AGAP1: variants seen among roughly 807,000 people sequenced by gnomAD.
The protein encoded by AGAP1 is arf-GAP with GTPase, ANK repeat and PH domain-containing protein 1.
Under a neutral mutation model 105.3 loss-of-function variants are expected in AGAP1, and 29 were observed. The ratio of observed to expected loss-of-function variants is 0.28; its 90% CI spans 0.21 to 0.38. The LOEUF is 0.38. Ranked by LOEUF, AGAP1 falls within the 10% of genes least tolerant of loss-of-function variation. The pLI is 1.00. For synonymous variants in AGAP1, 509 were observed against 485.9 expected (o/e 1.05, Z -0.63); for missense variants, 998 against 1,165.1 (o/e 0.86, Z 2.09).
At chr2:235,711,548 G>A (rs1950855683) in intron 2 of AGAP1, among the ~76,000 whole-genome samples, 1 of 152,188 alleles carries the variant, frequency 6.6e-6, no homozygotes. Context: ...CTGACACCGT[G>A]GGCTTCGATG....
chr2:235,841,222 G>A (rs1409968100), intron 9 of AGAP1, among the ~76,000 whole-genome samples: 1 of 152,158 alleles, frequency 6.6e-6, no homozygotes, highest in African/African-American at 2.4e-5. Flanking sequence ...AGGTCTAGAA[G>A]TTATCGATTC....
chr2:235,879,819 C>T lies in AGAP1; in HGVS notation c.1051-3526C>T, dbSNP rs749190108. Among the ~76,000 whole-genome samples the T allele has an allele frequency of 2.0e-5, 3 of 152,146 alleles. No homozygotes were observed. Among genetic ancestry groups the T allele is most frequent in the African/African-American group, 4.8e-5 (2 of 41,408 alleles). ...TGGTGGCATGTGTGTGTAGTCCTAG[C>T]TACTCGGAGGAGGCTGGCGCAGGAG... On this transcript the variant is annotated intron_variant, in intron 9 of 17. Coordinates refer to ENST00000304032, the MANE Select transcript of AGAP1 (RefSeq NM_001037131.3). The surrounding 1 kb of genome is among the most constrained non-coding windows in gnomAD (Gnocchi z 5.0).
chr2:235,890,019 C>T (rs1160252021), intron 10 of AGAP1, among the ~76,000 whole-genome samples: 1 of 152,186 alleles, frequency 6.6e-6, no homozygotes, highest in Non-Finnish European at 1.5e-5. Context: ...CAGCCTCCTT[C>T]AGCTCTTCCC....
chr2:235,563,542 C>T (rs1330558211), intron 1 of AGAP1, among the ~76,000 whole-genome samples: 1 of 139,276 alleles, frequency 7.2e-6, no homozygotes, highest in African/African-American at 2.7e-5. Context: ...TACAGTCAGA[C>T]AGGAAGTTGT....
intron 1 of AGAP1, among the ~76,000 whole-genome samples, chr2:235,513,020 C>G (rs1444590669): frequency 1.3e-5 from 2 of 152,156 alleles, no homozygotes; most frequent in South Asian, 2.1e-4. Context: ...TTTATCCTGA[C>G]CAGTTCATTT....
intron 12 of AGAP1, among the ~76,000 whole-genome samples, chr2:235,952,276 G>C (rs1559687457): frequency 4.0e-5 from 6 of 151,464 alleles, no homozygotes; most frequent in African/African-American, 1.2e-4. Flanking sequence ...ATTTGCAGTG[G>C]CCCAGCAAAA....
chr2:235,892,411 A>G (rs2050587485), intron 10 of AGAP1, among the ~76,000 whole-genome samples: 1 of 152,156 alleles, frequency 6.6e-6, no homozygotes, highest in African/African-American at 2.4e-5. Flanking sequence ...TGTTCTTTCA[A>G]AGCCAGGGCA....
chr2:235,980,935 A>G (rs967414358), intron 13 of AGAP1, among the ~76,000 whole-genome samples: 9 of 152,188 alleles, frequency 5.9e-5, no homozygotes, highest in South Asian at 2.1e-4. Context: ...AATTAAACCA[A>G]TGTTACTATG....
chr2:235,764,381 A>T (rs954409646), intron 6 of AGAP1, among the ~76,000 whole-genome samples: 11 of 152,190 alleles, frequency 7.2e-5, no homozygotes, highest in African/African-American at 2.6e-4. Flanking sequence ...GCCCATGTTT[A>T]TTCCTTTTCT....
Position 235,750,363 on chromosome 2 carries a change from G to A in AGAP1, c.548G>A (p.Ser183Asn), listed in dbSNP as rs773013695. The A allele has an allele frequency of 1.9e-6, 3 of 1,614,054 alleles. No individual in the cohort carries two copies. Among genetic ancestry groups the A allele is most frequent in the Non-Finnish European group, 2.5e-6 (3 of 1,180,030 alleles). Reference protein sequence around the residue: ...LVLVGTQDAISSANPRVIDDA... With the variant: ...LVLVGTQDAINSANPRVIDDA... The stretch of plus-strand genomic sequence containing the variant: ...TGGTCTTCTGTTCCAGATGCCATAA[G>A]TTCTGCTAACCCGAGGGTCATCGAT... The change falls in exon 6 of 18, where the codon AGT becomes AAT. Residue 183 changes from serine (S) to asparagine (N), a missense_variant. Physicochemically the swap from Ser to Asn is conservative, Grantham distance 46. Around this residue, in one of 3 missense-constraint regions of AGAP1, gnomAD observed 735 missense variants for 833.4 expected, o/e 0.88. Transcript: ENST00000304032. This position sits in a 1 kb window ranked among gnomAD's most constrained non-coding sequence, Gnocchi z 5.3.
rs576605262 is a variant in AGAP1, at chr2:236,060,804, G to A, written c.2114+11523G>A. 7.2e-5 allele frequency among the ~76,000 whole-genome samples: 11 copies of A among 152,246 alleles called. No homozygotes were observed. The South Asian group carries it at 1.2e-3, about 17-fold the overall frequency. On this transcript the variant is annotated intron_variant, in intron 16 of 17. Transcript: ENST00000304032. The stretch of plus-strand genomic sequence containing the variant: ...GAGCTGGGCATGGAGGCTCATGCCC[G>A]TAATCCCAGCATGTGGGGAGGCTGA...
rs948926943 is a variant in AGAP1, at chr2:235,989,128, T to C, written c.1645+20505T>C. Among the ~76,000 whole-genome samples, 12 of 152,232 alleles carry C rather than the reference T, an allele frequency of 7.9e-5. No individual in the cohort carries two copies. The highest frequency in any genetic ancestry group is 6.5e-4 in the Admixed American group (10 of 15,286). On this transcript the variant is annotated intron_variant, in intron 13 of 17. Transcript: ENST00000304032. The surrounding 1 kb of genome is among the most constrained non-coding windows in gnomAD (Gnocchi z 4.4). ...GAGATGAAGATGATGATGATGGTTG[T>C]TGTTATTTAAAACTGCAAGACGTAG... is the stretch of plus-strand genomic sequence containing the variant.
At chr2:235,794,648 T>C (rs1312224319) in intron 6 of AGAP1, among the ~76,000 whole-genome samples, 12 of 152,152 alleles carry the variant, frequency 7.9e-5, no homozygotes, top group African/African-American at 2.9e-4. Flanking sequence ...ATTTTTGTAT[T>C]TTTAGTAGAG....
chr2:235,497,509 C>T (rs1204055122), intron 1 of AGAP1, among the ~76,000 whole-genome samples: 1 of 152,222 alleles, frequency 6.6e-6, no homozygotes, highest in African/African-American at 2.4e-5. Context: ...AGAAGATTTC[C>T]AGCTAGGGAT....
Position 235,648,884 on chromosome 2 carries a change from C to CAA in AGAP1, c.164-60282_164-60281dup, listed in dbSNP as rs34285333. 3.3e-3 allele frequency among the ~76,000 whole-genome samples: 467 copies of CAA among 139,582 alleles called. 3 individuals carry two copies. Among genetic ancestry groups the CAA allele is most frequent in the African/African-American group, 0.01 (382 of 38,168 alleles). 91.6% of individuals were successfully genotyped at this position (139,582 alleles called of 152,430 possible). ...TCTAAGTGACAAAGCGAGACTGTCT[C>CAA]AAAAAAAAAAAAAAGTCATGTAATT... On this transcript the variant is annotated intron_variant, in intron 1 of 17. Transcript: ENST00000304032.
chr2:235,599,639 G>A lies in AGAP1; in HGVS notation c.163+104790G>A, dbSNP rs565574600. ...GTGGCTCCGGAAGTTCCTGGGAGTG[G>A]CTCGTAGAGCCTGTTTTCATCCTTC... On this transcript the variant is annotated intron_variant, in intron 1 of 17. Coordinates refer to ENST00000304032, the MANE Select transcript of AGAP1 (RefSeq NM_001037131.3). This position sits in a 1 kb window ranked among gnomAD's most constrained non-coding sequence, Gnocchi z 5.3. Among the ~76,000 whole-genome samples the A allele has an allele frequency of 6.6e-6, 1 of 152,288 alleles. No homozygotes were observed. The highest frequency in any genetic ancestry group is 2.1e-4 in the South Asian group (1 of 4,834).
At chr2:235,603,038 G>T (rs1210226940) in intron 1 of AGAP1, among the ~76,000 whole-genome samples, 2 of 152,122 alleles carry the variant, frequency 1.3e-5, no homozygotes, top group African/African-American at 4.8e-5. Flanking sequence ...GTTTGGCTGT[G>T]TCCCCACCCA....
Position 236,120,131 on chromosome 2 carries a change from G to C in AGAP1, c.2115-61G>C. 1 of 1,562,548 alleles carries C rather than the reference G, an allele frequency of 6.4e-7. No homozygotes were observed. Among genetic ancestry groups the C allele is most frequent in the Non-Finnish European group, 8.7e-7 (1 of 1,152,464 alleles). On this transcript the variant is annotated intron_variant, in intron 16 of 17. Coordinates refer to ENST00000304032, the MANE Select transcript of AGAP1 (RefSeq NM_001037131.3). This position sits in a 1 kb window ranked among gnomAD's most constrained non-coding sequence, Gnocchi z 6.0. The stretch of plus-strand genomic sequence containing the variant: ...GCTTCTCCCGACCACACTGGGCAGG[G>C]GCTGGCAGCCTGTGTTCTCGGGCCT...
intron 9 of AGAP1, among the ~76,000 whole-genome samples, chr2:235,812,166 A>C (rs1445551195): frequency 1.3e-5 from 2 of 151,522 alleles, no homozygotes; most frequent in Non-Finnish European, 2.9e-5. Context: ...CCTCAAAAAA[A>C]CTTTTTTTTT....
Sources: allele counts gnomAD v4.1 joint callset (sites outside exome capture counted in the v4.1 genomes callset), GRCh38; gene constraint gnomAD v4.1.1; regional missense constraint gnomAD v4.1.1; non-coding constraint Gnocchi (gnomAD v3.1); transcripts MANE v1.5; gene names NCBI Gene and HGNC (gene_info 2026-07-23, HGNC 2026-07-21).